Variants in TPST1 observed in about 807,000 individuals in gnomAD.
The protein encoded by TPST1 is tyrosylprotein sulfotransferase 1.
TPST1 carries 20 observed loss-of-function variants against 34.8 expected under a neutral mutation model. The ratio of observed to expected loss-of-function variants is 0.57; its 90% CI spans 0.40 to 0.84. The LOEUF (loss-of-function observed/expected upper bound fraction) is 0.84. Among genes scored for constraint, TPST1 ranks in the 40% least tolerant of loss-of-function variants. The pLI is 0.00. For synonymous variants in TPST1, 152 were observed against 159.4 expected (o/e 0.95, Z 0.35); for missense variants, 353 against 455.5 (o/e 0.78, Z 2.05).
At chr7:66,234,916 G>T (rs756975413) in intron 1 of TPST1, among the ~76,000 whole-genome samples, 26 of 152,014 alleles carry the variant, frequency 1.7e-4, no homozygotes, top group Non-Finnish European at 2.6e-4. Context: ...CTCATGATCT[G>T]CCCACCTTGG....
rs117405694 is a variant in TPST1, at chr7:66,332,211, G to A, written c.1045-20294G>A. Among the ~76,000 whole-genome samples the A allele has an allele frequency of 8.6e-5, 13 of 151,990 alleles. No homozygotes were observed. The highest frequency in any genetic ancestry group is 5.9e-5 in the Non-Finnish European group (4 of 67,996). Reference sequence around the variant, plus strand: ...TACTGCTATAGAGAATTGGATCTGCGGTCTACAAGTAATGTTAATGACATT... The same window carrying A: ...TACTGCTATAGAGAATTGGATCTGCAGTCTACAAGTAATGTTAATGACATT... On this transcript the variant is annotated intron_variant, in intron 3 of 5. Transcript: ENST00000304842. This position sits in a 1 kb window ranked among gnomAD's most constrained non-coding sequence, Gnocchi z 4.5.
At chr7:66,239,228 A>G (rs1404008310) in intron 1 of TPST1, among the ~76,000 whole-genome samples, 1 of 151,960 alleles carries the variant, frequency 6.6e-6, no homozygotes, top group Non-Finnish European at 1.5e-5. Context: ...TGATCCTCCC[A>G]TCTCGGTCTC....
chr7:66,206,056 T>G (rs1789122081), intron 1 of TPST1: 1 of 151,528 alleles, frequency 6.6e-6, no homozygotes, highest in Non-Finnish European at 1.5e-5. Context: ...CATCGCAATC[T>G]CCTCTTCCTT....
At chr7:66,308,147 T>A (rs1791460144) in intron 3 of TPST1, among the ~76,000 whole-genome samples, 1 of 152,200 alleles carries the variant, frequency 6.6e-6, no homozygotes, top group South Asian at 2.1e-4. Context: ...CCTAAGCGAC[T>A]TGGGCAACTT....
intron 3 of TPST1, among the ~76,000 whole-genome samples, chr7:66,329,750 G>A (rs981108343): frequency 9.9e-5 from 15 of 152,192 alleles, no homozygotes; most frequent in Non-Finnish European, 1.5e-5. Flanking sequence ...TATACACCAT[G>A]AAATATTGCA....
chr7:66,357,254 G>A (rs760854155), intron 5 of TPST1, among the ~76,000 whole-genome samples: 1 of 152,144 alleles, frequency 6.6e-6, no homozygotes, highest in African/African-American at 2.4e-5. Flanking sequence ...GGAGCAGGTC[G>A]TTTGTCAGGA....
chr7:66,267,331 C>T (rs1790611383), intron 2 of TPST1, among the ~76,000 whole-genome samples: 1 of 152,040 alleles, frequency 6.6e-6, no homozygotes, highest in African/African-American at 2.4e-5. Context: ...TTATTAGCAA[C>T]ATTTAACCAA....
At chr7:66,346,823 C>T (rs948685736) in intron 3 of TPST1, among the ~76,000 whole-genome samples, 6 of 152,032 alleles carry the variant, frequency 3.9e-5, no homozygotes, top group African/African-American at 1.2e-4. Flanking sequence ...GAAGTTTTTA[C>T]ACTTGGCATG....
chr7:66,320,251 T>C (rs576046515), intron 3 of TPST1, among the ~76,000 whole-genome samples: 46 of 143,562 alleles, frequency 3.2e-4, no homozygotes, highest in Middle Eastern at 3.5e-3. Flanking sequence ...TTTTCTTTTT[T>C]TTTTTTTTTT....
chr7:66,357,956 GA>G (rs1792615831), intron 5 of TPST1, among the ~76,000 whole-genome samples: 1 of 152,054 alleles, frequency 6.6e-6, no homozygotes, highest in Non-Finnish European at 1.5e-5. Context: ...TGGTGGCAGG[GA>G]CCTGTAATCC....
chr7:66,208,468 C>A (rs1464759235), intron 1 of TPST1, among the ~76,000 whole-genome samples: 1 of 151,750 alleles, frequency 6.6e-6, no homozygotes, highest in Non-Finnish European at 1.5e-5. Flanking sequence ...CCACTTATAC[C>A]ATTTTTAGTT....
chr7:66,207,085 C>T (rs768469814), intron 1 of TPST1, among the ~76,000 whole-genome samples: 2 of 152,148 alleles, frequency 1.3e-5, no homozygotes, highest in East Asian at 1.9e-4. Flanking sequence ...CAAGCCTGGA[C>T]GAATCAGTCA....
chr7:66,354,522 C>CA (rs66521537), intron 4 of TPST1, among the ~76,000 whole-genome samples: 8,234 of 60,656 alleles, frequency 0.14, 1,111 homozygotes, highest in Non-Finnish European at 0.15. Flanking sequence ...GAGTCTGTCT[C>CA]AAAAAAAAAA....
At chr7:66,328,139 G>T (rs541519230) in intron 3 of TPST1, among the ~76,000 whole-genome samples, 5 of 144,444 alleles carry the variant, frequency 3.5e-5, no homozygotes, top group African/African-American at 5.1e-5. Context: ...CAATTCTCCT[G>T]CCTCAGCCTC....
intron 3 of TPST1, among the ~76,000 whole-genome samples, chr7:66,328,857 C>CAGCTCTCTCT (rs1791926169): frequency 1.6e-5 from 1 of 63,804 alleles, no homozygotes; most frequent in African/African-American, 5.8e-5. Flanking sequence ...TCTCTCTCTC[C>CAGCTCTCTCT]CGCTCTCTCT....
chr7:66,220,272 A>G (rs1477421230), intron 1 of TPST1, among the ~76,000 whole-genome samples: 1 of 152,180 alleles, frequency 6.6e-6, no homozygotes, highest in Non-Finnish European at 1.5e-5. Context: ...ACTGAAAAAG[A>G]TAAGATATAG....
chr7:66,232,855 A>G (rs1789827129), intron 1 of TPST1, among the ~76,000 whole-genome samples: 4 of 151,668 alleles, frequency 2.6e-5, no homozygotes, highest in Admixed American at 6.6e-5. Context: ...GAGGGTTCTA[A>G]TTTAACCACA....
chr7:66,205,126 G>A (rs1240173482), upstream of TPST1: 1 of 152,262 alleles, frequency 6.6e-6, no homozygotes, highest in African/African-American at 2.4e-5. This position sits in a 1 kb window ranked among gnomAD's most constrained non-coding sequence, Gnocchi z 5.0. Flanking sequence ...GGCTGTGGGG[G>A]CGCTGGCCGG....
rs1326638933 is a variant in TPST1 at position 66,240,368 on chromosome 7, T to G, written c.-58T>G. 5 of 1,565,114 alleles carry G rather than the reference T, an allele frequency of 3.2e-6. No individual in the cohort carries two copies. Among genetic ancestry groups the G allele is most frequent in the Non-Finnish European group, 4.3e-6 (5 of 1,155,376 alleles). On this transcript the variant is annotated 5_prime_UTR_variant, in exon 2 of 6. Transcript: ENST00000304842. ...AAGTAGACTGTCCATGGCCTGAACA[T>G]TTTCCGAAAATCATTTTGAGCAAAA...
Sources: allele counts gnomAD v4.1 joint callset (sites outside exome capture counted in the v4.1 genomes callset), GRCh38; gene constraint gnomAD v4.1.1; non-coding constraint Gnocchi (gnomAD v3.1); transcripts MANE v1.5; gene names NCBI Gene and HGNC (gene_info 2026-07-23, HGNC 2026-07-21).